SLC25A15: variants seen among roughly 807,000 people sequenced by gnomAD.
SLC25A15 encodes solute carrier family 25 member 15.
In SLC25A15, 24 loss-of-function variants were observed where a neutral mutation model predicts 32.3. The ratio of observed to expected loss-of-function variants is 0.74; its 90% CI spans 0.54 to 1.04. SLC25A15 has a LOEUF of 1.04. Among genes scored for constraint, SLC25A15 ranks in the 50% least tolerant of loss-of-function variants. The pLI, the probability that SLC25A15 is intolerant of heterozygous loss-of-function variation, is 0.00. For missense variants in SLC25A15, 317 were observed against 374.5 expected, an observed-to-expected ratio of 0.85 and a Z score of 1.27; for synonymous variants, 132 against 142.1, an observed-to-expected ratio of 0.93 and a Z score of 0.51.
chr13:40,793,177 T>A lies in SLC25A15; in HGVS notation c.-50T>A. On this transcript the variant is annotated 5_prime_UTR_variant, in exon 2 of 7. The change abolishes the stop of an existing upstream ORF in the 5' untranslated region. Transcript: ENST00000338625. ...CCCCAGGGATATGTGGTGCCTGTCA[T>A]AAGCTCCAGAGAGCTGCCTTCCACA... is the stretch of plus-strand genomic sequence containing the variant. The A allele has an allele frequency of 6.2e-7, 1 of 1,601,996 alleles. No homozygotes were observed. The highest frequency in any genetic ancestry group is 2.2e-5 in the East Asian group (1 of 44,824).
chr13:40,798,331 C>A (rs896013952), intron 2 of SLC25A15, among the ~76,000 whole-genome samples: 20 of 151,464 alleles, frequency 1.3e-4, no homozygotes, highest in Non-Finnish European at 2.7e-4. Context: ...TGTATTTAAT[C>A]TTATAGAAGT....
At chr13:40,806,367 C>T (rs2138055464) in intron 4 of SLC25A15, among the ~76,000 whole-genome samples, 1 of 152,144 alleles carries the variant, frequency 6.6e-6, no homozygotes, top group African/African-American at 2.4e-5. Flanking sequence ...ATAGTTATAT[C>T]CAAAGGACTT....
At chr13:40,791,772 C>A (rs1401433405) in intron 1 of SLC25A15, among the ~76,000 whole-genome samples, 1 of 152,218 alleles carries the variant, frequency 6.6e-6, no homozygotes, top group African/African-American at 2.4e-5. Flanking sequence ...TCTTGCACTT[C>A]TAACTTAGTT....
chr13:40,790,717 A>T (rs1448995595), intron 1 of SLC25A15, among the ~76,000 whole-genome samples: 1 of 152,128 alleles, frequency 6.6e-6, no homozygotes, highest in Admixed American at 6.5e-5. Flanking sequence ...CCTCCCGAGT[A>T]GCTGGGATTA....
chr13:40,802,765 G>C (rs57786591), intron 3 of SLC25A15, among the ~76,000 whole-genome samples: 10,290 of 151,966 alleles, frequency 0.068, 926 homozygotes, highest in African/African-American at 0.2. Flanking sequence ...GTAGAGATGG[G>C]GTTTCACCAT....
chr13:40,798,606 G>C (rs546842193), intron 2 of SLC25A15: 1 of 193,668 alleles, frequency 5.2e-6, no homozygotes, highest in South Asian at 1.8e-4. Context: ...GCACACAGTA[G>C]CTGCTGTTTA....
intron 2 of SLC25A15, 47 bp from the exon 3 acceptor site, chr13:40,799,010 A>G (rs1308399664): frequency 6.2e-7 from 1 of 1,614,100 alleles, no homozygotes; most frequent in Non-Finnish European, 8.5e-7. Flanking sequence ...TCCATGGATA[A>G]TGGAACTGTA....
chr13:40,796,649 C>T (rs1003407151), intron 2 of SLC25A15, among the ~76,000 whole-genome samples: 3 of 152,130 alleles, frequency 2.0e-5, no homozygotes, highest in African/African-American at 7.2e-5. Flanking sequence ...CCTGTTAAAC[C>T]TTTACGATGG....
chr13:40,801,962 T>C (rs914397565), intron 3 of SLC25A15, among the ~76,000 whole-genome samples: 4 of 152,268 alleles, frequency 2.6e-5, no homozygotes, highest in Non-Finnish European at 4.4e-5. Flanking sequence ...ACTGCATATC[T>C]GATTTGACTG....
rs762489495 is a variant in SLC25A15, at chr13:40,807,442, G to A, written c.601G>A (p.Gly201Arg). The A allele has an allele frequency of 6.2e-7, 1 of 1,614,064 alleles. No homozygotes were observed. The highest frequency in any genetic ancestry group is 8.5e-7 in the Non-Finnish European group (1 of 1,179,994). Residue 201 changes from glycine (G) to arginine (R), a missense_variant, in exon 5 of 7, where the codon GGG (glycine) becomes AGG (arginine). By Grantham distance (125) the Gly-to-Arg change is moderately radical (BLOSUM62 -2). Transcript: ENST00000338625. ...YELSRSFFAS[G>R]RSKDELGPVP... ...ACTGAGCCGGTCCTTTTTTGCATCA[G>A]GGAGATCAAAAGATGAATTAGGTAA...
intron 2 of SLC25A15, among the ~76,000 whole-genome samples, chr13:40,794,512 G>A (rs1258046387): frequency 1.3e-5 from 2 of 152,178 alleles, no homozygotes; most frequent in African/African-American, 4.8e-5. Context: ...GTGATAAGGG[G>A]TAGTGCTGGC....
chr13:40,801,340 G>A (rs1326252446), intron 3 of SLC25A15, among the ~76,000 whole-genome samples: 1 of 151,240 alleles, frequency 6.6e-6, no homozygotes, highest in Non-Finnish European at 1.5e-5. Context: ...CTGAGGAACA[G>A]TGTTTGCCTC....
At chr13:40,802,531 A>C (rs941727256) in intron 3 of SLC25A15, among the ~76,000 whole-genome samples, 6 of 151,798 alleles carry the variant, frequency 4.0e-5, no homozygotes, top group African/African-American at 1.5e-4. Flanking sequence ...CTAATCTTTA[A>C]CACTGGAAAA....
Position 40,799,221 on chromosome 13 carries a change from A to G in SLC25A15, c.220A>G (p.Asn74Asp), listed in dbSNP as rs1298151723. The G allele has an allele frequency of 6.2e-7, 1 of 1,614,100 alleles. No individual in the cohort carries two copies. The highest frequency in any genetic ancestry group is 2.2e-5 in the East Asian group (1 of 44,904). Residue 74 changes from asparagine to aspartate, a missense_variant, in exon 3 of 7, where the codon AAC becomes GAC. Physicochemically the swap from Asn to Asp is conservative, Grantham distance 23 (BLOSUM62 1). Transcript: ENST00000338625. ...YKGTSPALIA[N>D]IAENSVLFMC... is the part of the protein sequence containing the mutation. ...GGGTACCAGTCCAGCACTAATCGCC[A>G]ACATCGCTGAGAACTCAGTCCTCTT...
At position 40,811,754 on chromosome 13, in the gene SLC25A15, A is replaced by C. The variant is rs1373980847; in HGVS notation, c.*2087A>C. ...CCTAAGCAGCCTGTATACTGAGTGC[A>C]AGCAGGCTATCAATTTTAATAATAG... On this transcript the variant is annotated 3_prime_UTR_variant, in exon 7 of 7. Coordinates refer to ENST00000338625, the MANE Select transcript of SLC25A15 (RefSeq NM_014252.4). Among the ~76,000 whole-genome samples, 1 of 152,242 alleles carries C rather than the reference A, an allele frequency of 6.6e-6. No homozygotes were observed. The highest frequency in any genetic ancestry group is 1.5e-5 in the Non-Finnish European group (1 of 68,044).
intron 2 of SLC25A15, among the ~76,000 whole-genome samples, chr13:40,793,696 T>C (rs1308007519): frequency 6.6e-6 from 1 of 152,278 alleles, no homozygotes; most frequent in African/African-American, 2.4e-5. Flanking sequence ...GAAAGTGGTA[T>C]GAAAATACTA....
intron 3 of SLC25A15, among the ~76,000 whole-genome samples, chr13:40,804,792 C>T (rs985200077): frequency 1.4e-4 from 21 of 151,732 alleles, no homozygotes; most frequent in South Asian, 4.2e-4. Context: ...CTTCGTGATC[C>T]GCCCGCCTCG....
At chr13:40,804,838 C>T (rs992397073) in intron 3 of SLC25A15, among the ~76,000 whole-genome samples, 4 of 152,124 alleles carry the variant, frequency 2.6e-5, no homozygotes, top group East Asian at 1.9e-4. Flanking sequence ...TTGTGAGCCA[C>T]GGCGCCCGGC....
At chr13:40,803,407 A>G (rs1881978723) in intron 3 of SLC25A15, among the ~76,000 whole-genome samples, 1 of 151,990 alleles carries the variant, frequency 6.6e-6, no homozygotes, top group African/African-American at 2.4e-5. Context: ...GGGTTTTGCC[A>G]TGTTGGCCAG....
Sources: gnomAD v4.1 joint callset for allele counts (sites outside exome capture counted in the v4.1 genomes callset) on GRCh38, gnomAD v4.1.1 for gene constraint, MANE v1.5 for transcripts, NCBI Gene and HGNC (gene_info 2026-07-23, HGNC 2026-07-21) for gene names.